SEPTIN4: variants seen among roughly 807,000 people sequenced by gnomAD.
SEPTIN4 encodes septin 4.
Under a neutral mutation model 107.1 loss-of-function variants are expected in SEPTIN4, and 52 were observed. That is an observed-to-expected ratio of 0.49 (90% CI 0.39 to 0.61). SEPTIN4 has a LOEUF of 0.61. SEPTIN4 is among the 20% of genes least tolerant of loss of function. The pLI is 0.00. For missense variants in SEPTIN4, 1,048 were observed against 1,243.5 expected, an observed-to-expected ratio of 0.84 and a Z score of 2.36; for synonymous variants, 417 against 467.0, an observed-to-expected ratio of 0.89 and a Z score of 1.38.
intron 3 of SEPTIN4, chr17:58,530,313 C>A (rs1357321092): frequency 6.6e-6 from 1 of 152,240 alleles, no homozygotes; most frequent in Non-Finnish European, 1.5e-5. Flanking sequence ...GAAGGTGCAT[C>A]CCAAGTCACA....
chr17:58,541,723 A>G, intron 2 of SEPTIN4, 199 bp downstream of exon 2: 1 of 1,465,312 alleles, frequency 6.8e-7, no homozygotes, highest in Non-Finnish European at 9.2e-7. Flanking sequence ...TGAAAATGGA[A>G]AAGGTTCCAA....
intron 3 of SEPTIN4, chr17:58,532,332 C>T (rs1253167827): frequency 6.2e-6 from 1 of 160,644 alleles, no homozygotes; most frequent in Non-Finnish European, 1.3e-5. Context: ...ACCGCGGGGG[C>T]TTGAGCCAGT....
chr17:58,531,990 C>T lies in SEPTIN4; in HGVS notation c.1615-5012G>A. ...GCTGCAGCCCGGGCGGGGCCGGCTCCGCCTGGACAGCGCCCGAGCGACCCG... is the reference window on the plus strand; with the variant it reads ...GCTGCAGCCCGGGCGGGGCCGGCTCTGCCTGGACAGCGCCCGAGCGACCCG... On this transcript the variant is annotated intron_variant, in intron 3 of 13. Transcript: ENST00000672673. 1.7e-6 allele frequency: 2 copies of T among 1,143,960 alleles called. 1 individual carries two copies. The highest frequency in any genetic ancestry group is 8.5e-5 in the South Asian group (2 of 23,522). The allele number at this position is 1,143,960 out of a possible 1,614,324, so 70.9% of individuals were successfully genotyped here. A position where few individuals can be genotyped will look rare whatever the true frequency, so the allele number is the denominator to read the frequency against.
At position 58,521,812 on chromosome 17, in the gene SEPTIN4, T is replaced by G; in HGVS notation, c.2393A>C (p.Gln798Pro). The change falls in exon 9 of 14, where the codon CAG (glutamine) becomes CCG (proline). Residue 798 changes from glutamine to proline, a missense_variant. Coordinates refer to ENST00000672673, the MANE Select transcript of SEPTIN4 (RefSeq NM_001368771.2). The surrounding 1 kb of genome is among the most constrained non-coding windows in gnomAD (Gnocchi z 6.4). ...LDVEFMKALH[Q>P]RVNIVPILAK... ...CAGGATAGGCACGATGTTGACCCGCTGATGCAGGGCCTTCATGAATTCAAC... is the reference window on the plus strand; with the variant it reads ...CAGGATAGGCACGATGTTGACCCGCGGATGCAGGGCCTTCATGAATTCAAC... 1 of 1,614,238 alleles carries G rather than the reference T, an allele frequency of 6.2e-7. No individual in the cohort carries two copies. Among genetic ancestry groups the G allele is most frequent in the South Asian group, 1.1e-5 (1 of 91,090 alleles).
At chr17:58,534,679 A>G (rs1294458804) in intron 3 of SEPTIN4, among the ~76,000 whole-genome samples, 2 of 152,210 alleles carry the variant, frequency 1.3e-5, no homozygotes. Flanking sequence ...AGGGCATGGT[A>G]TCTGAGCCAA....
Position 58,522,151 on chromosome 17 carries a change from A to C in SEPTIN4, c.2217-50T>G, listed in dbSNP as rs912327918. 3.1e-6 allele frequency: 5 copies of C among 1,609,702 alleles called. No individual in the cohort carries two copies. The African/African-American group carries it at 6.7e-5, about 21-fold the overall frequency. The stretch of plus-strand genomic sequence containing the variant: ...GAAACTGTGAGAGTGGGAGCCACCT[A>C]GTGAGCTCTGGGACTACAGAGAAGT... On this transcript the variant is annotated intron_variant, in intron 7 of 13. Coordinates refer to ENST00000672673, the MANE Select transcript of SEPTIN4 (RefSeq NM_001368771.2).
intron 3 of SEPTIN4, among the ~76,000 whole-genome samples, chr17:58,532,735 G>A (rs1051217555): frequency 1.2e-4 from 19 of 152,324 alleles, no homozygotes; most frequent in Non-Finnish European, 2.4e-4. Context: ...AGGGCCTCAG[G>A]AGAGGCCAAC....
chr17:58,541,892 A>C lies in SEPTIN4; in HGVS notation c.1606+30T>G, dbSNP rs16943091. ...GTCCTCCCATCCCCCAAGCTCCCAC[A>C]GTGGGCCCATAGGAGGGAAAAGCAC... On this transcript the variant is annotated intron_variant, in intron 2 of 13. Transcript: ENST00000672673. 3,474 of 1,614,090 alleles carry C rather than the reference A, an allele frequency of 2.2e-3. 78 individuals carry two copies. In the African/African-American group the frequency reaches 0.041, roughly 19 times the overall value.
At position 58,542,813 on chromosome 17, in the gene SEPTIN4, T is replaced by C. The variant is rs768137129; in HGVS notation, c.1374A>G (p.Leu458=). 3 of 1,613,930 alleles carry C rather than the reference T, an allele frequency of 1.9e-6. No individual in the cohort carries two copies. Among genetic ancestry groups the C allele is most frequent in the Non-Finnish European group, 2.5e-6 (3 of 1,180,006 alleles). Residue 458 remains leucine (L), a synonymous_variant, in exon 1 of 14, where the codon TTA becomes TTG. Coordinates refer to ENST00000672673, the MANE Select transcript of SEPTIN4 (RefSeq NM_001368771.2). ...TAGAGTCTATTTTAAAACCGGACAA[T>C]AAAAGATCTAGGGAAGGAGAGCACT... The part of the protein sequence containing the change: ...EPKCSPSLDL[L]LSGFKIDSSP...
chr17:58,526,754 G>A lies in SEPTIN4; in HGVS notation c.1839C>T (p.Ala613=). 1.2e-6 allele frequency: 2 copies of A among 1,613,238 alleles called. No individual in the cohort carries two copies. Among genetic ancestry groups the A allele is most frequent in the Non-Finnish European group, 1.7e-6 (2 of 1,179,698 alleles). The change falls in exon 4 of 14, where the codon GCC becomes GCT. Residue 613 remains alanine, a synonymous_variant. Transcript: ENST00000672673. The part of the protein sequence containing the change: ...QSSDNQQYFC[A]PAPLSPSARP... ...TGGCAGATGGGCTGAGAGGGGCTGG[G>A]GCACAGAAGTACTGCTGGTTGTCAG...
At chr17:58,534,636 C>T (rs1467271154) in intron 3 of SEPTIN4, among the ~76,000 whole-genome samples, 1 of 152,238 alleles carries the variant, frequency 6.6e-6, no homozygotes. Flanking sequence ...GCATTGATGG[C>T]CTTGACTACA....
At chr17:58,531,967 T>A in intron 3 of SEPTIN4, 1 of 1,148,078 alleles carries the variant, frequency 8.7e-7, no homozygotes, top group Admixed American at 4.8e-5. Flanking sequence ...TTACCATGGC[T>A]GCAGCCCGGG....
At chr17:58,542,092 C>T (rs2043894727) in intron 1 of SEPTIN4, 126 bp from the exon 2 acceptor site, 1 of 1,090,424 alleles carries the variant, frequency 9.2e-7, no homozygotes, top group African/African-American at 1.6e-5. Flanking sequence ...GCCCTTGGTC[C>T]TCTCCAAGAA....
intron 2 of SEPTIN4, among the ~76,000 whole-genome samples, chr17:58,541,098 G>C (rs553092545): frequency 6.6e-6 from 1 of 152,324 alleles, no homozygotes; most frequent in South Asian, 2.1e-4. Context: ...CCTCTGAGGA[G>C]CAGGACTGCC....
chr17:58,540,391 G>A (rs771512373), intron 3 of SEPTIN4, among the ~76,000 whole-genome samples: 10 of 152,184 alleles, frequency 6.6e-5, no homozygotes, highest in Non-Finnish European at 1.5e-4. Flanking sequence ...GTTCTTTCTC[G>A]GACTGCAACT....
intron 3 of SEPTIN4, chr17:58,527,423 A>G (rs2043038101): frequency 3.1e-6 from 1 of 322,178 alleles, no homozygotes; most frequent in Admixed American, 4.2e-5. Context: ...GTGCATCAGA[A>G]TGGGGCAGGG....
chr17:58,534,470 T>G (rs2043641176), intron 3 of SEPTIN4, among the ~76,000 whole-genome samples: 1 of 152,232 alleles, frequency 6.6e-6, no homozygotes. Context: ...GTCTAATACC[T>G]GCAGGGCCAA....
chr17:58,520,346 T>G lies in SEPTIN4; in HGVS notation c.*80A>C. 1 of 1,370,456 alleles carries G rather than the reference T, an allele frequency of 7.3e-7. No homozygotes were observed. Among genetic ancestry groups the G allele is most frequent in the South Asian group, 1.2e-5 (1 of 82,560 alleles). 84.9% of individuals were successfully genotyped at this position (1,370,456 alleles called of 1,614,324 possible). On this transcript the variant is annotated 3_prime_UTR_variant, in exon 14 of 14. Coordinates refer to ENST00000672673, the MANE Select transcript of SEPTIN4 (RefSeq NM_001368771.2). ...CGAAGTGGCAGTAGCTGAAGGGGCC[T>G]GAGCAGAGCTGGTGCTGGGAGGGGC...
intron 3 of SEPTIN4, chr17:58,528,986 C>T: frequency 8.9e-7 from 1 of 1,118,452 alleles, no homozygotes; most frequent in Non-Finnish European, 1.3e-6. Context: ...GGGTCCTCAC[C>T]TCCTGCCTGT....
Sources: allele counts gnomAD v4.1 joint callset (sites outside exome capture counted in the v4.1 genomes callset), GRCh38; gene constraint gnomAD v4.1.1; non-coding constraint Gnocchi (gnomAD v3.1); transcripts MANE v1.5; gene names NCBI Gene and HGNC (gene_info 2026-07-23, HGNC 2026-07-21).